The following HLF variants were observed in gnomAD, a reference collection of about 807,000 sequenced individuals.
HLF encodes HLF transcription factor, PAR bZIP family member.
HLF carries 3 observed loss-of-function variants against 22.6 expected under a neutral mutation model. That is an observed-to-expected ratio of 0.13 (90% confidence interval 0.06 to 0.34). The LOEUF is 0.34. HLF is among the 10% of genes least tolerant of loss of function. HLF has a pLI of 1.00. For missense variants in HLF, 299 were observed against 389.2 expected, an observed-to-expected ratio of 0.77 and a Z score of 1.95; for synonymous variants, 151 against 151.8, an observed-to-expected ratio of 0.99 and a Z score of 0.04.
chr17:55,265,436 T>A lies in HLF; in HGVS notation c.-49T>A. 9.2e-7 allele frequency: 1 copy of A among 1,081,362 alleles called. No homozygotes were observed. The highest frequency in any genetic ancestry group is 1.3e-6 in the Non-Finnish European group (1 of 776,726). 67.0% of individuals were successfully genotyped at this position (1,081,362 alleles called of 1,614,324 possible). ...TCAGCAACATTTTAGGGGGCGGTTG[T>A]TTCTTTCTTATTTCTTTTTTTAAGG... On this transcript the variant is annotated 5_prime_UTR_variant, in exon 1 of 4. Coordinates refer to ENST00000226067, the MANE Select transcript of HLF (RefSeq NM_002126.5).
Position 55,324,314 on chromosome 17 carries a change from G to C in HLF, c.*3435G>C, listed in dbSNP as rs1194293070. The C allele has an allele frequency of 4.4e-6, 1 of 228,074 alleles. No individual in the cohort carries two copies. Among genetic ancestry groups the C allele is most frequent in the African/African-American group, 2.2e-5 (1 of 45,036 alleles). 14.1% of individuals were successfully genotyped at this position (228,074 alleles called of 1,614,324 possible). On this transcript the variant is annotated 3_prime_UTR_variant, in exon 4 of 4. Transcript: ENST00000226067. ...TGGGGAACTCACAGTAATTCCAAAT[G>C]TACAATCAGATGTCTAGGGTCTGTT... is the stretch of plus-strand genomic sequence containing the variant.
At chr17:55,278,861 G>C (rs2080929101) in intron 2 of HLF, among the ~76,000 whole-genome samples, 1 of 152,120 alleles carries the variant, frequency 6.6e-6, no homozygotes, top group South Asian at 2.1e-4. Flanking sequence ...ATTAGTACTG[G>C]ATCAAAATAG....
At chr17:55,288,445 G>C (rs1432986995) in intron 2 of HLF, among the ~76,000 whole-genome samples, 1 of 152,088 alleles carries the variant, frequency 6.6e-6, no homozygotes, top group African/African-American at 2.4e-5. Flanking sequence ...ACCACGCCCG[G>C]CCAGTTTCAC....
At chr17:55,267,623 G>T in intron 1 of HLF, 128 bp from the exon 2 acceptor site, 1 of 629,066 alleles carries the variant, frequency 1.6e-6, no homozygotes. Flanking sequence ...ACAAAAGACA[G>T]CAGCCAGAGA....
intron 2 of HLF, among the ~76,000 whole-genome samples, chr17:55,270,656 CTTTTTT>C (rs10712714): frequency 1.2e-5 from 1 of 84,748 alleles, no homozygotes; most frequent in Admixed American, 1.3e-4. Context: ...TTGGGTAAAT[CTTTTTT>C]TTTTTTTTTT....
At chr17:55,285,452 A>C (rs976526153) in intron 2 of HLF, among the ~76,000 whole-genome samples, 4 of 152,100 alleles carry the variant, frequency 2.6e-5, no homozygotes, top group African/African-American at 7.2e-5. Flanking sequence ...CTGTGTTCTC[A>C]CTTGCATTTG....
intron 2 of HLF, chr17:55,288,853 C>T: frequency 1.2e-6 from 1 of 846,458 alleles, no homozygotes; most frequent in Non-Finnish European, 1.4e-6. Flanking sequence ...GGATATTGAC[C>T]CCCCAATTTT....
At position 55,325,027 on chromosome 17, in the gene HLF, T is replaced by A. The variant is rs965014844; in HGVS notation, c.*4148T>A. 3 of 223,428 alleles carry A rather than the reference T, an allele frequency of 1.3e-5. No individual in the cohort carries two copies. Among genetic ancestry groups the A allele is most frequent in the African/African-American group, 2.2e-5 (1 of 44,764 alleles). 13.8% of individuals were successfully genotyped at this position (223,428 alleles called of 1,614,324 possible). On this transcript the variant is annotated 3_prime_UTR_variant, in exon 4 of 4. Transcript: ENST00000226067. ...TAAGTCCAAACCTTTATCTGTCTGT[T>A]ATTCTTAATGTTGAATAAACTTTGA...
chr17:55,265,663 G>C (rs1246954025), intron 1 of HLF, 64 bp downstream of exon 1: 2 of 1,259,644 alleles, frequency 1.6e-6, no homozygotes, highest in African/African-American at 1.5e-5. Context: ...CTCCGCGGCC[G>C]GGCACGCCCG....
Position 55,309,094 on chromosome 17 carries a change from G to A in HLF, c.452-6133G>A, listed in dbSNP as rs548782277. Among the ~76,000 whole-genome samples the A allele has an allele frequency of 2.0e-5, 3 of 152,234 alleles. No individual in the cohort carries two copies. The East Asian group carries it at 5.8e-4, about 29-fold the overall frequency. ...TCAGAGACCAGCCCAGATGCAAGAG[G>A]TAGGGAAATAGGCTCTGCCTGGAAG... On this transcript the variant is annotated intron_variant, in intron 2 of 3. Coordinates refer to ENST00000226067, the MANE Select transcript of HLF (RefSeq NM_002126.5).
At chr17:55,315,927 A>G (rs539046597) in intron 3 of HLF, among the ~76,000 whole-genome samples, 1 of 152,186 alleles carries the variant, frequency 6.6e-6, no homozygotes, top group African/African-American at 2.4e-5. Flanking sequence ...CTTCCTCCAT[A>G]TTGCCAACCT....
rs1183915562 is a variant in HLF at position 55,323,420 on chromosome 17, G to C, written c.*2541G>C. 1 of 213,570 alleles carries C rather than the reference G, an allele frequency of 4.7e-6. No individual in the cohort carries two copies. The highest frequency in any genetic ancestry group is 1.5e-3 in the Middle Eastern group (1 of 678). 13.2% of individuals were successfully genotyped at this position (213,570 alleles called of 1,614,324 possible). A position where few individuals can be genotyped will look rare whatever the true frequency, so the allele number is the denominator to read the frequency against. On this transcript the variant is annotated 3_prime_UTR_variant, in exon 4 of 4. Transcript: ENST00000226067. Reference sequence around the variant, plus strand: ...ATCCAAATTTATGGCCGTATCAAATGGTAGCTGAAAAAACTATATTTGAGC... The same window carrying C: ...ATCCAAATTTATGGCCGTATCAAATCGTAGCTGAAAAAACTATATTTGAGC...
Position 55,321,173 on chromosome 17 carries a change from A to C in HLF, c.*294A>C. On this transcript the variant is annotated 3_prime_UTR_variant, in exon 4 of 4. Coordinates refer to ENST00000226067, the MANE Select transcript of HLF (RefSeq NM_002126.5). ...GTGCCATGTCTTTACTAGACTGAGGAGCCCTCTCGCGGGTCTCCCATCCCC... is the reference window on the plus strand; with the variant it reads ...GTGCCATGTCTTTACTAGACTGAGGCGCCCTCTCGCGGGTCTCCCATCCCC... 1 of 339,796 alleles carries C rather than the reference A, an allele frequency of 2.9e-6. No individual in the cohort carries two copies. Among genetic ancestry groups the C allele is most frequent in the Admixed American group, 4.3e-5 (1 of 23,094 alleles). 21.0% of individuals were successfully genotyped at this position (339,796 alleles called of 1,614,324 possible).
intron 2 of HLF, among the ~76,000 whole-genome samples, chr17:55,306,034 A>G (rs114907330): frequency 0.017 from 2,575 of 152,298 alleles, 76 homozygotes; most frequent in African/African-American, 0.059. Context: ...CAATTAAATG[A>G]AGTAATCTCT....
chr17:55,304,651 G>A (rs1275800935), intron 2 of HLF, among the ~76,000 whole-genome samples: 2 of 152,210 alleles, frequency 1.3e-5, no homozygotes, highest in Non-Finnish European at 2.9e-5. Flanking sequence ...GCTGTTCTGG[G>A]CACAGGGTCA....
intron 2 of HLF, among the ~76,000 whole-genome samples, chr17:55,306,537 AGTGTGTGTGTGTGTGTGTGTGTGTGT>A (rs60472672): frequency 1.4e-5 from 2 of 143,600 alleles, no homozygotes; most frequent in Non-Finnish European, 3.0e-5. Context: ...GCAAAAAGGA[AGTGTGTGTGTGTGTGTGTGTGTGTGT>A]GTGTGTGTGT....
At chr17:55,306,320 ACT>A (rs764430094) in intron 2 of HLF, among the ~76,000 whole-genome samples, 3 of 152,052 alleles carry the variant, frequency 2.0e-5, no homozygotes, top group Non-Finnish European at 4.4e-5. Flanking sequence ...ATGGCAACAG[ACT>A]CTTTTCCTAA....
intron 2 of HLF, among the ~76,000 whole-genome samples, chr17:55,302,025 A>T (rs760011054): frequency 1.3e-5 from 2 of 152,234 alleles, no homozygotes; most frequent in Non-Finnish European, 2.9e-5. Context: ...GGTTCCCATA[A>T]CTGATGGGGT....
intron 2 of HLF, among the ~76,000 whole-genome samples, chr17:55,301,946 C>T (rs955853065): frequency 1.3e-5 from 2 of 152,228 alleles, no homozygotes; most frequent in South Asian, 2.1e-4. Context: ...TGGAAGGAGC[C>T]TTTGCTATCA....
Sources: allele counts gnomAD v4.1 joint callset (sites outside exome capture counted in the v4.1 genomes callset), GRCh38; gene constraint gnomAD v4.1.1; transcripts MANE v1.5; gene names NCBI Gene and HGNC (gene_info 2026-07-23, HGNC 2026-07-21).